FAH: variants seen among roughly 807,000 people sequenced by gnomAD.
FAH encodes the protein fumarylacetoacetate hydrolase.
Under a neutral mutation model 55.8 loss-of-function variants are expected in FAH, and 47 were observed. The ratio of observed to expected loss-of-function variants is 0.84; its 90% confidence interval spans 0.67 to 1.07. The LOEUF is 1.07. Among genes scored for constraint, FAH ranks in the 50% least tolerant of loss-of-function variants. FAH has a pLI of 0.00. For missense variants in FAH, 495 were observed against 545.9 expected (o/e 0.91, Z 0.93); for synonymous variants, 199 against 207.7 (o/e 0.96, Z 0.36).
chr15:80,154,148 C>A (rs576621845), intron 1 of FAH, among the ~76,000 whole-genome samples: 1 of 152,184 alleles, frequency 6.6e-6, no homozygotes, highest in Non-Finnish European at 1.5e-5. Context: ...AAAGTGGACA[C>A]TCAATCCCCT....
chr15:80,183,504 C>T (rs552408235), intron 13 of FAH, among the ~76,000 whole-genome samples: 9 of 152,288 alleles, frequency 5.9e-5, no homozygotes, highest in African/African-American at 1.4e-4. Flanking sequence ...TCACTGGTCA[C>T]GTGGCCCTGC....
intron 5 of FAH, among the ~76,000 whole-genome samples, chr15:80,166,635 C>CTTTT (rs768001652): frequency 1.0e-4 from 12 of 118,366 alleles, no homozygotes; most frequent in African/African-American, 1.3e-4. Flanking sequence ...TTTGCATTTT[C>CTTTT]TTTTTTTTTT....
chr15:80,168,645 A>G (rs1211106378), intron 7 of FAH, among the ~76,000 whole-genome samples: 2 of 152,236 alleles, frequency 1.3e-5, no homozygotes, highest in African/African-American at 4.8e-5. Context: ...AGGCTGGACA[A>G]GGTGTTACTC....
At chr15:80,185,599 C>T (rs993906691) in intron 13 of FAH, among the ~76,000 whole-genome samples, 4 of 152,206 alleles carry the variant, frequency 2.6e-5, no homozygotes, top group Admixed American at 6.5e-5. Flanking sequence ...TTCCACATGG[C>T]TGGGGAGGCC....
intron 2 of FAH, 148 bp from the exon 3 acceptor site, chr15:80,159,608 G>T: frequency 1.1e-6 from 1 of 948,964 alleles, no homozygotes. Flanking sequence ...ATGAATAAAT[G>T]ACAAAACTAA....
chr15:80,153,156 G>T (rs775696191), intron 1 of FAH, 21 bp downstream of exon 1: 1 of 1,563,672 alleles, frequency 6.4e-7, no homozygotes, highest in South Asian at 1.1e-5. Flanking sequence ...GGGCTTTGGC[G>T]TCCGGGCGCG....
intron 1 of FAH, among the ~76,000 whole-genome samples, chr15:80,153,511 G>T (rs1202135601): frequency 6.6e-6 from 1 of 152,192 alleles, no homozygotes; most frequent in African/African-American, 2.4e-5. Context: ...AAGAGGCCAG[G>T]TCAGGGCTGG....
downstream of FAH, chr15:80,186,519 T>A (rs75212096): frequency 0.13 from 58,842 of 444,748 alleles, 4,203 homozygotes; most frequent in South Asian, 0.14. Context: ...TCCATGGAAT[T>A]TGAAAAGAGA....
chr15:80,178,750 A>ATT (rs1242827171), intron 11 of FAH, among the ~76,000 whole-genome samples: 43 of 145,764 alleles, frequency 2.9e-4, no homozygotes, highest in African/African-American at 1.1e-3. Context: ...CGCCCGGCTA[A>ATT]TTTTTTTTTT....
chr15:80,177,092 A>G (rs571245981), intron 10 of FAH, among the ~76,000 whole-genome samples: 10 of 152,356 alleles, frequency 6.6e-5, no homozygotes, highest in Non-Finnish European at 1.2e-4. Context: ...GTTGTGAAGT[A>G]GCACACTGCC....
chr15:80,182,254 C>T (rs2041337306), intron 13 of FAH, among the ~76,000 whole-genome samples: 2 of 152,154 alleles, frequency 1.3e-5, no homozygotes, highest in Admixed American at 6.5e-5. Context: ...AGACAATCTC[C>T]TCATTCTAAG....
chr15:80,167,598 C>A (rs913977395), intron 5 of FAH, among the ~76,000 whole-genome samples: 32 of 144,064 alleles, frequency 2.2e-4, no homozygotes, highest in African/African-American at 7.0e-4. Context: ...GTGGTGCGAT[C>A]TCAGTTCACT....
At chr15:80,179,099 T>G (rs1391382819) in intron 11 of FAH, among the ~76,000 whole-genome samples, 1 of 152,098 alleles carries the variant, frequency 6.6e-6, no homozygotes, top group Non-Finnish European at 1.5e-5. Context: ...TTCCAAACAG[T>G]TTTTTGAAGT....
chr15:80,165,220 G>T (rs910878367), intron 5 of FAH, among the ~76,000 whole-genome samples: 2 of 151,372 alleles, frequency 1.3e-5, no homozygotes, highest in African/African-American at 4.9e-5. Flanking sequence ...GTGAAACCCT[G>T]TCTCTACTAA....
chr15:80,172,814 C>T (rs1265199200), intron 8 of FAH, among the ~76,000 whole-genome samples, 200 bp from the exon 9 acceptor site: 3 of 152,200 alleles, frequency 2.0e-5, no homozygotes, highest in Non-Finnish European at 4.4e-5. Context: ...TTGCTGTAAC[C>T]TGGCACAGTG....
chr15:80,176,166 G>A (rs926953739), intron 10 of FAH, among the ~76,000 whole-genome samples: 4 of 152,094 alleles, frequency 2.6e-5, no homozygotes, highest in Non-Finnish European at 5.9e-5. Flanking sequence ...ACAGGCATGC[G>A]CCACCATGCC....
chr15:80,162,539 G>A (rs567976412), intron 5 of FAH: 9 of 633,756 alleles, frequency 1.4e-5, no homozygotes, highest in South Asian at 1.2e-4. Context: ...GGATCGAAGG[G>A]CAAGTCCCTT....
At chr15:80,181,227 C>A (rs776249191) in intron 13 of FAH, 68 bp downstream of exon 13, 7 of 1,119,144 alleles carry the variant, frequency 6.3e-6, no homozygotes, top group Non-Finnish European at 9.5e-6. Flanking sequence ...AGCTGCGGGG[C>A]GCTCCTACCT....
At chr15:80,155,059 T>C (rs1439878256) in intron 1 of FAH, among the ~76,000 whole-genome samples, 1 of 152,214 alleles carries the variant, frequency 6.6e-6, no homozygotes, top group African/African-American at 2.4e-5. Flanking sequence ...ATGTTGTTCC[T>C]TCTGCCTGGA....
Sources: gnomAD v4.1 joint callset for allele counts (sites outside exome capture counted in the v4.1 genomes callset) on GRCh38, gnomAD v4.1.1 for gene constraint, MANE v1.5 for transcripts, NCBI Gene and HGNC (gene_info 2026-07-23, HGNC 2026-07-21) for gene names.